Variants in DPP10 observed in about 807,000 individuals in gnomAD.
DPP10 encodes the protein dipeptidyl peptidase like 10, also known as inactive dipeptidyl peptidase 10.
DPP10 carries 33 observed loss-of-function variants against 120.9 expected under a neutral mutation model. The ratio of observed to expected loss-of-function variants is 0.27; its 90% confidence interval spans 0.21 to 0.37. DPP10 has a LOEUF of 0.37. DPP10 is among the 10% of genes least tolerant of loss of function. The probability of loss-of-function intolerance (pLI) is 1.00; values close to 1 mark genes in which losing one functional copy is unlikely to be tolerated. For missense variants in DPP10, 816 were observed against 942.8 expected (o/e 0.87, Z 1.76); for synonymous variants, 337 against 326.1 (o/e 1.03, Z -0.36).
chr2:115,696,774 CTAAGA>C (rs1302894984), intron 7 of DPP10, among the ~76,000 whole-genome samples: 3 of 152,136 alleles, frequency 2.0e-5, no homozygotes, highest in Middle Eastern at 3.4e-3. Context: ...ATTTAAAAAG[CTAAGA>C]TATTTAAAAT....
intron 1 of DPP10, among the ~76,000 whole-genome samples, chr2:114,656,037 C>T (rs1393979424): frequency 6.6e-6 from 1 of 152,044 alleles, no homozygotes; most frequent in Non-Finnish European, 1.5e-5. Context: ...CTACAGGGGG[C>T]ATAGTTCTAT....
intron 1 of DPP10, among the ~76,000 whole-genome samples, chr2:114,535,092 CA>C (rs5833550): frequency 1.1e-4 from 16 of 151,272 alleles, no homozygotes; most frequent in Admixed American, 5.9e-4. Context: ...TTTGTTTCTA[CA>C]AAAAAAAACA....
At chr2:114,480,763 C>T (rs10177239) in intron 1 of DPP10, among the ~76,000 whole-genome samples, 11,153 of 150,914 alleles carry the variant, frequency 0.074, 1,356 homozygotes, top group African/African-American at 0.26. Flanking sequence ...TGTTAAATGA[C>T]GAGTTAATGG....
chr2:115,158,201 T>C (rs891034041), intron 1 of DPP10, among the ~76,000 whole-genome samples: 1 of 152,206 alleles, frequency 6.6e-6, no homozygotes, highest in Non-Finnish European at 1.5e-5. Context: ...TATGTATGTA[T>C]AGAACAACCT....
chr2:114,901,511 AT>A (rs1230059841), intron 1 of DPP10, among the ~76,000 whole-genome samples: 2 of 152,138 alleles, frequency 1.3e-5, no homozygotes, highest in Non-Finnish European at 2.9e-5. Flanking sequence ...TGGATAACTC[AT>A]TTTAAGAAGG....
In DPP10 at chr2:115,230,138, C is replaced by A. The variant is rs552679164; in HGVS notation, c.61-79101C>A. Among the ~76,000 whole-genome samples the A allele has an allele frequency of 3.3e-5, 5 of 151,658 alleles. No homozygotes were observed. In the South Asian group the frequency reaches 1.0e-3, roughly 32 times the overall value. ...GTTTTTATTGTAGAAATTGTTTGTT[C>A]TTTTTGTTGTTGTTGTTACTTCCTA... On this transcript the variant is annotated intron_variant, in intron 1 of 25. Transcript: ENST00000410059.
chr2:114,946,529 A>G (rs1697357577), intron 1 of DPP10, among the ~76,000 whole-genome samples: 1 of 152,154 alleles, frequency 6.6e-6, no homozygotes, highest in Admixed American at 6.5e-5. Context: ...TCTCTAAAAA[A>G]CAAGTAAATA....
At chr2:115,817,065 G>A (rs1052640571) in intron 21 of DPP10, among the ~76,000 whole-genome samples, 15 of 151,312 alleles carry the variant, frequency 9.9e-5, no homozygotes, top group Non-Finnish European at 1.2e-4. Flanking sequence ...TGGCTAACAC[G>A]GTGAAACCCC....
intron 3 of DPP10, among the ~76,000 whole-genome samples, chr2:115,429,555 G>A (rs1037508669): frequency 3.3e-5 from 5 of 152,132 alleles, no homozygotes; most frequent in African/African-American, 1.2e-4. Flanking sequence ...AAAGCTAATT[G>A]ATGTATTCTA....
At chr2:114,561,097 G>A (rs538092071) in intron 1 of DPP10, among the ~76,000 whole-genome samples, 5 of 152,146 alleles carry the variant, frequency 3.3e-5, no homozygotes, top group South Asian at 2.1e-4. Flanking sequence ...CACCAGCTCC[G>A]TCCGCTCCTT....
chr2:114,553,703 G>A (rs1012449586), intron 1 of DPP10, among the ~76,000 whole-genome samples: 1 of 151,806 alleles, frequency 6.6e-6, no homozygotes, highest in African/African-American at 2.4e-5. Context: ...TTTTTCCACA[G>A]TAGAAACATT....
chr2:115,769,418 C>CA (rs1681186073), intron 13 of DPP10, among the ~76,000 whole-genome samples: 1 of 152,024 alleles, frequency 6.6e-6, no homozygotes, highest in Non-Finnish European at 1.5e-5. Context: ...TTTAGAGTCT[C>CA]AAAATCTTAT....
chr2:115,590,844 T>C (rs1575268417), intron 5 of DPP10, among the ~76,000 whole-genome samples: 1 of 152,214 alleles, frequency 6.6e-6, no homozygotes, highest in East Asian at 1.9e-4. Flanking sequence ...TTCCTGACTT[T>C]TTAATGATCG....
intron 5 of DPP10, among the ~76,000 whole-genome samples, chr2:115,663,568 G>C (rs1473287790): frequency 3.5e-4 from 53 of 152,116 alleles, no homozygotes; most frequent in Non-Finnish European, 2.9e-5. Flanking sequence ...CTGTATTCTG[G>C]TAGAATACAG....
At chr2:115,053,206 A>C (rs1264206192) in intron 1 of DPP10, among the ~76,000 whole-genome samples, 1 of 152,196 alleles carries the variant, frequency 6.6e-6, no homozygotes, top group African/African-American at 2.4e-5. Flanking sequence ...CAAAAGGTGG[A>C]AATAATCCAA....
chr2:115,382,155 G>T lies in DPP10; in HGVS notation c.271+38243G>T, dbSNP rs552769488. The stretch of plus-strand genomic sequence containing the variant: ...GGCAATGGCGGGCGCCCCTCCCCCA[G>T]CCTCACTGCCACCTTGCAGTTTGAT... On this transcript the variant is annotated intron_variant, in intron 3 of 25. Coordinates refer to ENST00000410059, the MANE Select transcript of DPP10 (RefSeq NM_020868.6). 3.3e-5 allele frequency among the ~76,000 whole-genome samples: 5 copies of T among 152,252 alleles called. No individual in the cohort carries two copies. In the East Asian group the frequency reaches 9.7e-4, roughly 30 times the overall value.
At chr2:115,704,763 A>G (rs989321227) in intron 7 of DPP10, among the ~76,000 whole-genome samples, 1 of 152,008 alleles carries the variant, frequency 6.6e-6, no homozygotes, top group African/African-American at 2.4e-5. Flanking sequence ...TGGAACTGCA[A>G]TGATAATCAA....
At chr2:115,260,025 T>C (rs1285244376) in intron 1 of DPP10, among the ~76,000 whole-genome samples, 1 of 151,424 alleles carries the variant, frequency 6.6e-6, no homozygotes, top group African/African-American at 2.4e-5. Flanking sequence ...GTTTAAAAAC[T>C]AATAAATTTG....
At chr2:114,581,115 G>A (rs1690474580) in intron 1 of DPP10, among the ~76,000 whole-genome samples, 1 of 149,586 alleles carries the variant, frequency 6.7e-6, no homozygotes, top group African/African-American at 2.5e-5. Flanking sequence ...TGTGGAGTTA[G>A]AAGTTAACTT....
Sources: gnomAD v4.1 joint callset for allele counts (sites outside exome capture counted in the v4.1 genomes callset) on GRCh38, gnomAD v4.1.1 for gene constraint, MANE v1.5 for transcripts, NCBI Gene and HGNC (gene_info 2026-07-23, HGNC 2026-07-21) for gene names.